The following NUP62 variants were observed in gnomAD, a reference collection of about 807,000 sequenced individuals.
NUP62 encodes nucleoporin 62, also known as nuclear pore glycoprotein p62.
For synonymous variants in NUP62, 305 were observed against 303.4 expected (o/e 1.01, Z -0.05); for missense variants, 647 against 689.4 (o/e 0.94, Z 0.69).
chr19:49,928,974 G>A (rs1010101572), intron 1 of NUP62: 20 of 152,744 alleles, frequency 1.3e-4, no homozygotes, highest in African/African-American at 4.6e-4. Flanking sequence ...GAGCCACAAG[G>A]AGAGGGCTGG....
rs1046183581 is a variant in NUP62, at chr19:49,921,551, A to G, written c.-78+6143T>C. Among the ~76,000 whole-genome samples the G allele has an allele frequency of 1.3e-5, 2 of 152,090 alleles. No individual in the cohort carries two copies. The highest frequency in any genetic ancestry group is 3.9e-4 in the East Asian group (2 of 5,190). ...AGAGAGGGGCGTCCGCTGCTCGCCA[A>G]CCCCCATACGTTCCTGCTCTGTGGT... On this transcript the variant is annotated intron_variant, in intron 2 of 2. Transcript: ENST00000352066. The surrounding 1 kb of genome is among the most constrained non-coding windows in gnomAD (Gnocchi z 5.4).
chr19:49,912,444 C>T (rs2075493859), intron 2 of NUP62, among the ~76,000 whole-genome samples: 1 of 151,372 alleles, frequency 6.6e-6, no homozygotes. Context: ...GTTGGGATTA[C>T]AGGCATGAGC....
At chr19:49,916,897 G>A (rs1164615469) in intron 2 of NUP62, among the ~76,000 whole-genome samples, 2 of 152,216 alleles carry the variant, frequency 1.3e-5, no homozygotes, top group Non-Finnish European at 2.9e-5. Flanking sequence ...CTTCAGCCTG[G>A]GCGGCTGAGC....
intron 2 of NUP62, among the ~76,000 whole-genome samples, chr19:49,925,427 C>A (rs952093766): frequency 6.9e-6 from 1 of 145,908 alleles, no homozygotes; most frequent in African/African-American, 2.6e-5. Context: ...AGACCCTCCC[C>A]CCCATCTCTA....
Position 49,907,008 on chromosome 19 carries a change from G to A in NUP62, c.*1231C>T, listed in dbSNP as rs2075335446. On this transcript the variant is annotated 3_prime_UTR_variant, in exon 3 of 3. Transcript: ENST00000352066. The stretch of plus-strand genomic sequence containing the variant: ...TTACTCTGGTGCCACTAAGTTCCGA[G>A]CCAAGTCTACGGCCACCACTGGAAG... 6.5e-6 allele frequency: 1 copy of A among 153,662 alleles called. No homozygotes were observed. Among genetic ancestry groups the A allele is most frequent in the Admixed American group, 6.4e-5 (1 of 15,614 alleles). 9.5% of individuals were successfully genotyped at this position (153,662 alleles called of 1,614,324 possible). A position where few individuals can be genotyped will look rare whatever the true frequency, so the allele number is the denominator to read the frequency against.
intron 2 of NUP62, among the ~76,000 whole-genome samples, chr19:49,924,222 A>AC (rs2075830320): frequency 1.3e-5 from 2 of 151,324 alleles, no homozygotes; most frequent in Middle Eastern, 3.4e-3. Flanking sequence ...GATTTTCACA[A>AC]CCCCCCTTAC....
rs948649371 is a variant in NUP62, at chr19:49,908,168, A to G, written c.*71T>C. On this transcript the variant is annotated 3_prime_UTR_variant, in exon 3 of 3. Transcript: ENST00000352066. ...AAACAAGTATCTTGCCACAACCCCA[A>G]ACTACAGACAACAGGGCGCATTCCC... The G allele has an allele frequency of 1.3e-6, 2 of 1,576,868 alleles. No homozygotes were observed. Among genetic ancestry groups the G allele is most frequent in the African/African-American group, 2.7e-5 (2 of 74,276 alleles).
At chr19:49,916,184 C>T (rs949277675) in intron 2 of NUP62, among the ~76,000 whole-genome samples, 22 of 152,268 alleles carry the variant, frequency 1.4e-4, no homozygotes, top group South Asian at 8.3e-4. Flanking sequence ...CAAGTCTTGA[C>T]ATTCTGCCTG....
chr19:49,914,737 T>G (rs899294398), intron 2 of NUP62, among the ~76,000 whole-genome samples: 16 of 114,142 alleles, frequency 1.4e-4, no homozygotes, highest in African/African-American at 5.2e-4. Context: ...TTTTTTTTTT[T>G]TTTTTTTTTT....
Position 49,906,920 on chromosome 19 carries a change from T to C in NUP62, c.*1319A>G, listed in dbSNP as rs975086152. On this transcript the variant is annotated 3_prime_UTR_variant, in exon 3 of 3. Transcript: ENST00000352066. ...GTATAAAGACAAATACAAAAGATGC[T>C]TGGGATACAACCGCTAGCTTCTGCC... 3 of 152,420 alleles carry C rather than the reference T, an allele frequency of 2.0e-5. No individual in the cohort carries two copies. The highest frequency in any genetic ancestry group is 7.2e-5 in the African/African-American group (3 of 41,456). 9.4% of individuals were successfully genotyped at this position (152,420 alleles called of 1,614,324 possible).
At chr19:49,914,107 C>T (rs1016529604) in intron 2 of NUP62, among the ~76,000 whole-genome samples, 2 of 152,046 alleles carry the variant, frequency 1.3e-5, no homozygotes, top group Non-Finnish European at 2.9e-5. Flanking sequence ...CCAGTACTTT[C>T]GGAGGCCAAG....
chr19:49,917,613 C>G (rs1276418488), intron 2 of NUP62: 1 of 152,368 alleles, frequency 6.6e-6, no homozygotes, highest in African/African-American at 2.4e-5. Context: ...CTCACCGAGA[C>G]TCTGTGTGGG....
At chr19:49,924,282 G>A (rs2075831852) in intron 2 of NUP62, among the ~76,000 whole-genome samples, 1 of 152,132 alleles carries the variant, frequency 6.6e-6, no homozygotes. Flanking sequence ...TGTGATCTGA[G>A]GCCCCTTCTT....
intron 2 of NUP62, among the ~76,000 whole-genome samples, chr19:49,924,776 C>T (rs1457757173): frequency 2.0e-5 from 3 of 152,206 alleles, no homozygotes; most frequent in Non-Finnish European, 4.4e-5. Context: ...AGGGTGCCAA[C>T]TGGCACCCAC....
chr19:49,914,439 G>A (rs2075565577), intron 2 of NUP62, among the ~76,000 whole-genome samples: 1 of 152,154 alleles, frequency 6.6e-6, no homozygotes, highest in South Asian at 2.1e-4. Flanking sequence ...CCAGAGAAGC[G>A]CTGCCTTGAG....
chr19:49,926,046 T>C (rs1423393435), intron 2 of NUP62, among the ~76,000 whole-genome samples: 4 of 151,570 alleles, frequency 2.6e-5, no homozygotes, highest in African/African-American at 7.3e-5. Flanking sequence ...CTGTATCTAC[T>C]AAAAATATAA....
chr19:49,910,503 C>T (rs1480623149), intron 2 of NUP62, among the ~76,000 whole-genome samples: 1 of 152,158 alleles, frequency 6.6e-6, no homozygotes, highest in Non-Finnish European at 1.5e-5. Context: ...GCACAGATGC[C>T]CCTGGCTGCA....
rs1463528131 is a variant in NUP62, at chr19:49,909,614, T to C, written c.194A>G (p.Gln65Arg). The C allele has an allele frequency of 6.2e-7, 1 of 1,613,258 alleles. No individual in the cohort carries two copies. Among genetic ancestry groups the C allele is most frequent in the Non-Finnish European group, 8.5e-7 (1 of 1,179,352 alleles). ...PSTGLFSLATQTPATQTTGFT... is the reference protein window; with the variant it reads ...PSTGLFSLATRTPATQTTGFT... ...GCCTGTCGTCTGTGTGGCCGGAGTC[T>C]GGGTGGCAAGTGAGAACAGGCCGGT... The change falls in exon 3 of 3, where the codon CAG (glutamine) becomes CGG (arginine). Residue 65 changes from glutamine (Q) to arginine (R), a missense_variant. Coordinates refer to ENST00000352066, the MANE Select transcript of NUP62 (RefSeq NM_016553.5).
rs535587754 is a variant in NUP62, at chr19:49,909,143, A to G, written c.665T>C (p.Phe222Ser). The G allele has an allele frequency of 4.5e-5, 72 of 1,612,940 alleles. No individual in the cohort carries two copies. Among genetic ancestry groups the G allele is most frequent in the African/African-American group, 4.4e-4 (33 of 75,002 alleles). ...GGTTGGAGCAGTTGCTATTGACGCA[A>G]AGAGGCTGGGCCCAGTGCTGGTGAT... ...ATITSTGPSLFASIATAPTSS... is the reference protein window; with the variant it reads ...ATITSTGPSLSASIATAPTSS... The change falls in exon 3 of 3, where the codon TTT (phenylalanine) becomes TCT (serine). Residue 222 changes from phenylalanine to serine, a missense_variant. Physicochemically the swap from Phe to Ser is radical, Grantham distance 155 (BLOSUM62 -2). Transcript: ENST00000352066.
Sources: gnomAD v4.1 joint callset for allele counts (sites outside exome capture counted in the v4.1 genomes callset) on GRCh38, gnomAD v4.1.1 for gene constraint, Gnocchi (gnomAD v3.1) non-coding constraint, MANE v1.5 for transcripts, NCBI Gene and HGNC (gene_info 2026-07-23, HGNC 2026-07-21) for gene names.